Variants in NIPBL observed in about 807,000 individuals in gnomAD.
NIPBL encodes NIPBL cohesin loading factor, also known as nipped-B-like protein.
NIPBL carries 19 observed loss-of-function variants against 321.8 expected under a neutral mutation model. The observed-to-expected ratio is 0.06, with a 90% CI of 0.04 to 0.09. NIPBL has a LOEUF of 0.09. Ranked by LOEUF, NIPBL falls within the 10% of genes least tolerant of loss-of-function variation. The pLI, the probability that NIPBL is intolerant of heterozygous loss-of-function variation, is 1.00. For missense variants in NIPBL, 2,210 were observed against 3,327.0 expected (o/e 0.66, Z 8.26); for synonymous variants, 1,106 against 1,114.1 (o/e 0.99, Z 0.14).
intron 1 of NIPBL, among the ~76,000 whole-genome samples, chr5:36,907,890 T>G (rs745711934): frequency 1.3e-5 from 2 of 152,106 alleles, no homozygotes; most frequent in African/African-American, 2.4e-5. Flanking sequence ...AATGAACAAC[T>G]GAAAAGAATA....
chr5:37,024,167 A>C (rs62902961), intron 29 of NIPBL, among the ~76,000 whole-genome samples: 166 of 106,370 alleles, frequency 1.6e-3, no homozygotes, highest in African/African-American at 4.4e-3. Context: ...ACTCCATCCC[A>C]AAAAAAAAAA....
At chr5:36,917,388 G>T (rs985641432) in intron 1 of NIPBL, among the ~76,000 whole-genome samples, 1 of 151,932 alleles carries the variant, frequency 6.6e-6, no homozygotes, top group Non-Finnish European at 1.5e-5. Flanking sequence ...CTGGATATTA[G>T]CCCTTTGTCA....
chr5:37,045,700 T>G (rs1390132778), intron 37 of NIPBL, 103 bp downstream of exon 37: 2 of 1,218,018 alleles, frequency 1.6e-6, no homozygotes, highest in African/African-American at 1.5e-5. Context: ...ATTAGAGTAG[T>G]CTGGTTTAAT....
chr5:36,968,157 A>G (rs1260241222), intron 6 of NIPBL, among the ~76,000 whole-genome samples: 1 of 151,950 alleles, frequency 6.6e-6, no homozygotes, highest in Non-Finnish European at 1.5e-5. Flanking sequence ...CTATATGACA[A>G]AATTGGATAT....
rs779007826 is a variant in NIPBL at position 37,017,043 on chromosome 5, A to G, written c.4801A>G (p.Thr1601Ala). 2 of 1,610,232 alleles carry G rather than the reference A, an allele frequency of 1.2e-6. No homozygotes were observed. Among genetic ancestry groups the G allele is most frequent in the Non-Finnish European group, 8.5e-7 (1 of 1,177,638 alleles). The change falls in exon 24 of 47, where the codon ACA becomes GCA. Residue 1601 changes from threonine to alanine, a missense_variant. Transcript: ENST00000282516. ...GGTTCATCAGTTCAGTAACAAGTCA[A>G]CAGAGATGGCTTTAAGAGTGGCATC... ...LLVHQFSNKS[T>A]EMALRVASLD... is the part of the protein sequence containing the mutation.
intron 1 of NIPBL, among the ~76,000 whole-genome samples, chr5:36,919,822 A>G (rs1046663431): frequency 6.6e-6 from 1 of 152,186 alleles, no homozygotes; most frequent in East Asian, 1.9e-4. Flanking sequence ...TAGAATTTAA[A>G]TACACAAATA....
rs938452235 is a variant in NIPBL at position 37,061,903 on chromosome 5, G to A, written c.7860+885G>A. Among the ~76,000 whole-genome samples the A allele has an allele frequency of 1.2e-4, 18 of 152,030 alleles. 2 individuals are homozygous for A. Among genetic ancestry groups the A allele is most frequent in the Admixed American group, 6.6e-5 (1 of 15,260 alleles). On this transcript the variant is annotated intron_variant, in intron 45 of 46. Coordinates refer to ENST00000282516, the MANE Select transcript of NIPBL (RefSeq NM_133433.4). ...GTTGCCCAGGCTGGAGTGCAATGGC[G>A]CGATCTCGGCTCACCGCAACTTCTG...
intron 16 of NIPBL, among the ~76,000 whole-genome samples, chr5:37,005,375 A>C (rs1747309736): frequency 6.6e-6 from 1 of 152,192 alleles, no homozygotes; most frequent in South Asian, 2.1e-4. Context: ...AAATTGTGAT[A>C]ATCATCATCA....
intron 1 of NIPBL, among the ~76,000 whole-genome samples, chr5:36,896,815 G>A (rs187296943): frequency 1.3e-5 from 2 of 152,180 alleles, no homozygotes; most frequent in African/African-American, 4.8e-5. Flanking sequence ...GGCCAGGCTT[G>A]TCTCGAACTC....
At position 36,876,951 on chromosome 5, in the gene NIPBL, C is replaced by T. The variant is rs377354585; in HGVS notation, c.-307C>T. 165 of 393,900 alleles carry T rather than the reference C, an allele frequency of 4.2e-4. 3 individuals are homozygous for T. The South Asian group carries it at 0.02, about 48-fold the overall frequency. The allele number at this position is 393,900 out of a possible 1,614,324, so 24.4% of individuals were successfully genotyped here. On this transcript the variant is annotated 5_prime_UTR_variant, in exon 1 of 47. Coordinates refer to ENST00000282516, the MANE Select transcript of NIPBL (RefSeq NM_133433.4). ...CCGCGGCGATGCCCCCCCGGTAGCT[C>T]GGGCCCGTGGTCGGGTGTTTGTGAG...
chr5:36,981,431 G>A (rs1222133696), intron 9 of NIPBL, among the ~76,000 whole-genome samples: 1 of 151,592 alleles, frequency 6.6e-6, no homozygotes, highest in African/African-American at 2.4e-5. Flanking sequence ...TAGCCGCTAG[G>A]TATTTATGTC....
chr5:37,017,716 T>C (rs1472830815), intron 24 of NIPBL, among the ~76,000 whole-genome samples: 1 of 152,050 alleles, frequency 6.6e-6, no homozygotes, highest in Non-Finnish European at 1.5e-5. Context: ...TTCATTTTTT[T>C]CTAGTCTTTT....
intron 43 of NIPBL, among the ~76,000 whole-genome samples, chr5:37,058,262 C>T (rs1442949460): frequency 6.6e-6 from 1 of 152,054 alleles, no homozygotes; most frequent in East Asian, 1.9e-4. Context: ...GAGCTTTAGC[C>T]CTCATGTTCT....
At chr5:36,891,533 C>T (rs915204357) in intron 1 of NIPBL, among the ~76,000 whole-genome samples, 3 of 151,960 alleles carry the variant, frequency 2.0e-5, no homozygotes, top group African/African-American at 7.3e-5. Context: ...ACTGTGGAGT[C>T]TGGGCCAACA....
At chr5:36,956,065 CAA>C (rs542704963) in intron 3 of NIPBL, among the ~76,000 whole-genome samples, 16 of 104,934 alleles carry the variant, frequency 1.5e-4, no homozygotes, top group Non-Finnish European at 1.5e-4. Flanking sequence ...ACTAAAAATA[CAA>C]AAAAAAAAAA....
At chr5:36,981,699 T>C (rs1185296589) in intron 9 of NIPBL, among the ~76,000 whole-genome samples, 2 of 151,772 alleles carry the variant, frequency 1.3e-5, no homozygotes, top group African/African-American at 4.8e-5. Flanking sequence ...AGGGGGTTCC[T>C]TTGTTCATCT....
intron 32 of NIPBL, 113 bp downstream of exon 32, chr5:37,027,525 G>A: frequency 1.4e-6 from 1 of 720,888 alleles, no homozygotes; most frequent in Admixed American, 2.4e-5. Flanking sequence ...TAGTTCTTTT[G>A]GTAGGGAAAA....
At chr5:37,019,888 T>C (rs1013486181) in intron 25 of NIPBL, among the ~76,000 whole-genome samples, 1 of 152,208 alleles carries the variant, frequency 6.6e-6, no homozygotes, top group East Asian at 1.9e-4. Context: ...CATAGAGATA[T>C]TTTATTTTAT....
At chr5:37,041,059 A>G (rs1246648346) in intron 34 of NIPBL, among the ~76,000 whole-genome samples, 3 of 151,086 alleles carry the variant, frequency 2.0e-5, no homozygotes, top group Admixed American at 6.6e-5. Flanking sequence ...TTTATTTTAG[A>G]TATTAAACCA....
Sources: gnomAD v4.1 joint callset for allele counts (sites outside exome capture counted in the v4.1 genomes callset) on GRCh38, gnomAD v4.1.1 for gene constraint, MANE v1.5 for transcripts, NCBI Gene and HGNC (gene_info 2026-07-23, HGNC 2026-07-21) for gene names.